Variants in CADM2 observed in about 807,000 individuals in gnomAD.
CADM2 encodes the protein immunoglobulin superfamily member 4D.
CADM2 carries 12 observed loss-of-function variants against 49.8 expected under a neutral mutation model. The observed-to-expected ratio is 0.24, with a 90% CI of 0.15 to 0.39. The LOEUF (loss-of-function observed/expected upper bound fraction) is 0.39, where lower values mean the gene tolerates loss of function less well. Among genes scored for constraint, CADM2 ranks in the 10% least tolerant of loss-of-function variants. The probability of loss-of-function intolerance (pLI) is 1.00; values close to 1 mark genes in which losing one functional copy is unlikely to be tolerated. For missense variants in CADM2, 378 were observed against 492.3 expected (o/e 0.77, Z 2.20); for synonymous variants, 214 against 175.4 (o/e 1.22, Z -1.74).
intron 2 of CADM2, among the ~76,000 whole-genome samples, chr3:85,731,287 A>G (rs2067920454): frequency 6.6e-6 from 1 of 152,134 alleles, no homozygotes; most frequent in African/African-American, 2.4e-5. Flanking sequence ...TTTAATTTGT[A>G]TCATGTAGTA....
chr3:84,964,479 C>G (rs1414275885), intron 1 of CADM2, among the ~76,000 whole-genome samples: 1 of 152,104 alleles, frequency 6.6e-6, no homozygotes, highest in Non-Finnish European at 1.5e-5. Context: ...GACAAGTGCT[C>G]TATGATATTT....
In CADM2 at chr3:86,070,260, T is replaced by A. The variant is rs1368036527; in HGVS notation, c.*3477T>A. The A allele has an allele frequency of 6.6e-6, 1 of 151,984 alleles. No homozygotes were observed. Among genetic ancestry groups the A allele is most frequent in the Non-Finnish European group, 1.5e-5 (1 of 67,888 alleles). 9.4% of individuals were successfully genotyped at this position (151,984 alleles called of 1,614,324 possible). ...AAAATATAAATATCTCAATCAAAAG[T>A]ACAGGCTCATTTGTAATTATGTACT... On this transcript the variant is annotated 3_prime_UTR_variant, in exon 10 of 10. Transcript: ENST00000383699.
intron 1 of CADM2, among the ~76,000 whole-genome samples, chr3:85,355,693 G>A (rs1356288444): frequency 6.6e-6 from 1 of 152,062 alleles, no homozygotes; most frequent in Non-Finnish European, 1.5e-5. Flanking sequence ...CAGATAGGGT[G>A]GCTTTGGAGG....
rs987733477 is a variant in CADM2, at chr3:85,912,243, T to C, written c.530-130T>C. On this transcript the variant is annotated intron_variant, in intron 5 of 9. Transcript: ENST00000383699. ...TAATTGAATTGAAATAGATTAAATGTTAAAATCACAAATATTTGCTTCTTA... is the reference window on the plus strand; with the variant it reads ...TAATTGAATTGAAATAGATTAAATGCTAAAATCACAAATATTTGCTTCTTA... 4 of 645,722 alleles carry C rather than the reference T, an allele frequency of 6.2e-6. No individual in the cohort carries two copies. In the African/African-American group the frequency reaches 7.4e-5, roughly 12 times the overall value. The allele number at this position is 645,722 out of a possible 1,614,324, so 40.0% of individuals were successfully genotyped here.
At chr3:85,758,175 A>C (rs2069207844) in intron 2 of CADM2, among the ~76,000 whole-genome samples, 1 of 152,124 alleles carries the variant, frequency 6.6e-6, no homozygotes, top group Non-Finnish European at 1.5e-5. Context: ...TGGTACTGTC[A>C]CATAATTTGT....
intron 1 of CADM2, among the ~76,000 whole-genome samples, chr3:85,052,350 A>G (rs10490896): frequency 0.1 from 15,547 of 152,090 alleles, 1,446 homozygotes; most frequent in African/African-American, 0.25. Flanking sequence ...ACATAAATCA[A>G]GTATTACCAT....
chr3:85,766,143 G>A (rs2069645919), intron 2 of CADM2, among the ~76,000 whole-genome samples: 1 of 152,018 alleles, frequency 6.6e-6, no homozygotes. Flanking sequence ...ATTTTTACAA[G>A]GGCAATGCCT....
chr3:85,785,232 AT>A lies in CADM2; in HGVS notation c.89-16811del, dbSNP rs546675424. On this transcript the variant is annotated intron_variant, in intron 2 of 9. Coordinates refer to ENST00000383699, the MANE Select transcript of CADM2 (RefSeq NM_001167675.2). Reference sequence around the variant, plus strand: ...TATCTTTTCAAAAATCCAACTTTACATTTTGTTCATCTTTTATATTTTTTAG... The same window carrying A: ...TATCTTTTCAAAAATCCAACTTTACATTTGTTCATCTTTTATATTTTTTAG... 2.5e-3 allele frequency among the ~76,000 whole-genome samples: 380 copies of A among 152,020 alleles called. 1 individual carries two copies. Among genetic ancestry groups the A allele is most frequent in the African/African-American group, 8.8e-3 (366 of 41,472 alleles).
At chr3:85,330,580 A>G (rs1169584274) in intron 1 of CADM2, among the ~76,000 whole-genome samples, 1 of 152,188 alleles carries the variant, frequency 6.6e-6, no homozygotes, top group South Asian at 2.1e-4. Context: ...TGAGACAGAA[A>G]ATAGAAAAAT....
intron 2 of CADM2, among the ~76,000 whole-genome samples, chr3:85,791,572 G>GAA (rs1159815967): frequency 6.8e-6 from 1 of 147,706 alleles, no homozygotes; most frequent in Non-Finnish European, 1.5e-5. Context: ...GAGAGAGAGA[G>GAA]AAAAGAAAGA....
At chr3:85,539,318 T>C (rs1406991717) in intron 1 of CADM2, among the ~76,000 whole-genome samples, 1 of 152,076 alleles carries the variant, frequency 6.6e-6, no homozygotes, top group African/African-American at 2.4e-5. Flanking sequence ...TAAAATATTT[T>C]AGATGATACT....
intron 1 of CADM2, among the ~76,000 whole-genome samples, chr3:85,649,394 T>C (rs894359980): frequency 2.0e-5 from 3 of 152,182 alleles, no homozygotes; most frequent in Admixed American, 2.0e-4. Context: ...AAAATATGGC[T>C]GAGATATGCA....
At position 85,691,385 on chromosome 3, in the gene CADM2, A is replaced by G. The variant is rs116413655; in HGVS notation, c.62-35137A>G. 1.7e-3 allele frequency among the ~76,000 whole-genome samples: 263 copies of G among 152,308 alleles called. 1 individual carries two copies. The highest frequency in any genetic ancestry group is 5.9e-3 in the African/African-American group (244 of 41,566). ...CTTAGTATCTTGGCCATTGTGAACA[A>G]TGTTGCAATAAACATTTCGCAATAT... On this transcript the variant is annotated intron_variant, in intron 1 of 9. Coordinates refer to ENST00000383699, the MANE Select transcript of CADM2 (RefSeq NM_001167675.2).
At chr3:85,708,724 A>G (rs947594038) in intron 1 of CADM2, among the ~76,000 whole-genome samples, 8 of 152,212 alleles carry the variant, frequency 5.3e-5, no homozygotes, top group Non-Finnish European at 1.0e-4. Flanking sequence ...CTTTTATTTA[A>G]CATTGACTAT....
chr3:85,193,380 C>T (rs1475271882), intron 1 of CADM2, among the ~76,000 whole-genome samples: 1 of 151,858 alleles, frequency 6.6e-6, no homozygotes, highest in Non-Finnish European at 1.5e-5. Context: ...AAAAATTTAG[C>T]AGATCTATCT....
chr3:85,587,167 T>G (rs1206694634), intron 1 of CADM2, among the ~76,000 whole-genome samples: 2 of 152,094 alleles, frequency 1.3e-5, no homozygotes, highest in Non-Finnish European at 2.9e-5. Flanking sequence ...GTAGATGAGA[T>G]AGCCTGGCAG....
rs75256014 is a variant in CADM2 at position 85,883,310 on chromosome 3, C to T, written c.258C>T (p.Ile86=). 627 of 1,612,680 alleles carry T rather than the reference C, an allele frequency of 3.9e-4. 5 individuals carry two copies. The East Asian group carries it at 0.013, about 35-fold the overall frequency. Residue 86 remains isoleucine (I), a synonymous_variant, in exon 4 of 10, where the codon ATC becomes ATT. Coordinates refer to ENST00000383699, the MANE Select transcript of CADM2 (RefSeq NM_001167675.2). Reference sequence around the variant, plus strand: ...TTCCAGCTTTAAGGGACAATAGGATCGAGCTGGTTCGCGCTTCCTGGCATG... The same window carrying T: ...TTCCAGCTTTAAGGGACAATAGGATTGAGCTGGTTCGCGCTTCCTGGCATG... ...DDKKALRDNR[I]ELVRASWHEL... is the part of the protein sequence containing the mutation.
chr3:85,076,078 G>T (rs1464016952), intron 1 of CADM2, among the ~76,000 whole-genome samples: 2 of 149,188 alleles, frequency 1.3e-5, no homozygotes, highest in African/African-American at 4.9e-5. Flanking sequence ...AAAAAAAAAA[G>T]GTAGTTACCA....
At chr3:85,309,637 TAACA>T (rs2044296124) in intron 1 of CADM2, among the ~76,000 whole-genome samples, 1 of 152,194 alleles carries the variant, frequency 6.6e-6, no homozygotes, top group African/African-American at 2.4e-5. Context: ...GTACAACACT[TAACA>T]AACATTTTAA....
Sources: gnomAD v4.1 joint callset for allele counts (sites outside exome capture counted in the v4.1 genomes callset) on GRCh38, gnomAD v4.1.1 for gene constraint, MANE v1.5 for transcripts, NCBI Gene and HGNC (gene_info 2026-07-23, HGNC 2026-07-21) for gene names.